The following PKD2L2 variants were observed in gnomAD, a reference collection of about 807,000 sequenced individuals.
PKD2L2 encodes the protein polycystin-2-like protein 2.
Under a neutral mutation model 83.9 loss-of-function variants are expected in PKD2L2, and 67 were observed. The ratio of observed to expected loss-of-function variants is 0.80; its 90% CI spans 0.66 to 0.98. The LOEUF is 0.98. PKD2L2 is among the 50% of genes least tolerant of loss of function. The pLI, the probability that PKD2L2 is intolerant of heterozygous loss-of-function variation, is 0.00. For missense variants in PKD2L2, 632 were observed against 717.2 expected (o/e 0.88, Z 1.36); for synonymous variants, 223 against 237.8 (o/e 0.94, Z 0.57).
At chr5:137,903,427 A>G (rs531972923) in intron 5 of PKD2L2, among the ~76,000 whole-genome samples, 9 of 152,194 alleles carry the variant, frequency 5.9e-5, no homozygotes, top group Admixed American at 1.3e-4. Flanking sequence ...GCAATATACC[A>G]CAGGCTCTAA....
intron 4 of PKD2L2, among the ~76,000 whole-genome samples, chr5:137,896,351 C>G (rs891742086): frequency 1.3e-5 from 2 of 152,120 alleles, no homozygotes; most frequent in Non-Finnish European, 2.9e-5. Context: ...CTTTGTCTTT[C>G]TAAATTACAT....
chr5:137,899,818 C>T (rs1756801021), intron 5 of PKD2L2, 81 bp downstream of exon 5: 1 of 707,700 alleles, frequency 1.4e-6, no homozygotes, highest in Admixed American at 2.6e-5. Flanking sequence ...GACCCTTGAA[C>T]CACATGAGTT....
At chr5:137,941,722 A>G (rs979449159) in intron 14 of PKD2L2, among the ~76,000 whole-genome samples, 3 of 152,214 alleles carry the variant, frequency 2.0e-5, no homozygotes, top group Non-Finnish European at 4.4e-5. Flanking sequence ...AAGGCTCCCT[A>G]GGACAATCCG....
intron 9 of PKD2L2, 22 bp from the exon 10 acceptor site, chr5:137,923,394 ATAAT>A: frequency 9.9e-7 from 1 of 1,009,016 alleles, no homozygotes; most frequent in Non-Finnish European, 1.5e-6. Flanking sequence ...TTTTATTGAA[ATAAT>A]TATTTGAATA....
chr5:137,916,485 T>TC (rs1365398982), intron 8 of PKD2L2, among the ~76,000 whole-genome samples: 1 of 144,360 alleles, frequency 6.9e-6, no homozygotes, highest in African/African-American at 2.5e-5. Flanking sequence ...CTTTTTTTTT[T>TC]TTTTTTTTTT....
At chr5:137,922,076 C>T (rs1758955369) in intron 9 of PKD2L2, among the ~76,000 whole-genome samples, 1 of 152,204 alleles carries the variant, frequency 6.6e-6, no homozygotes, top group Admixed American at 6.5e-5. Flanking sequence ...ATATTCTGCC[C>T]ATATTGCAAT....
At chr5:137,893,169 G>A (rs949045015) in intron 3 of PKD2L2, among the ~76,000 whole-genome samples, 2 of 152,124 alleles carry the variant, frequency 1.3e-5, no homozygotes, top group Non-Finnish European at 2.9e-5. Flanking sequence ...GTCTATAATT[G>A]TGTATAGTGA....
chr5:137,919,687 A>G (rs888344160), intron 8 of PKD2L2, among the ~76,000 whole-genome samples: 8 of 152,218 alleles, frequency 5.3e-5, no homozygotes, highest in African/African-American at 1.9e-4. Context: ...AACCAGTATT[A>G]AAAGCAAGAT....
chr5:137,904,002 C>T (rs1461284164), intron 5 of PKD2L2, among the ~76,000 whole-genome samples: 7 of 152,136 alleles, frequency 4.6e-5, no homozygotes, highest in African/African-American at 1.2e-4. Flanking sequence ...GCGATCCACC[C>T]GCCTTGGCCT....
intron 10 of PKD2L2, among the ~76,000 whole-genome samples, chr5:137,924,657 A>C (rs1294870886): frequency 1.3e-5 from 2 of 152,232 alleles, no homozygotes; most frequent in Non-Finnish European, 2.9e-5. Flanking sequence ...TCTGTAAAAC[A>C]AACCAAAAAA....
intron 12 of PKD2L2, among the ~76,000 whole-genome samples, chr5:137,931,053 T>C (rs1190953882): frequency 6.6e-6 from 1 of 152,104 alleles, no homozygotes; most frequent in Non-Finnish European, 1.5e-5. Context: ...AATTAAAAGA[T>C]CTCACTAATA....
intron 6 of PKD2L2, 117 bp downstream of exon 6, chr5:137,906,551 A>G: frequency 1.7e-6 from 1 of 581,056 alleles, no homozygotes; most frequent in Admixed American, 3.3e-5. Context: ...AGCTACAAGT[A>G]TCAAACATAA....
intron 4 of PKD2L2, 45 bp downstream of exon 4, chr5:137,894,654 G>A: frequency 6.8e-7 from 1 of 1,480,178 alleles, no homozygotes; most frequent in Non-Finnish European, 9.3e-7. Flanking sequence ...AGCATTTACT[G>A]TTGTATCTTT....
At chr5:137,936,169 C>A (rs1053285231) in intron 13 of PKD2L2, 151 bp from the exon 14 acceptor site, 2 of 677,006 alleles carry the variant, frequency 3.0e-6, no homozygotes, top group Admixed American at 2.8e-5. Context: ...CTCCACATAG[C>A]TTTAGAATAT....
At chr5:137,891,855 G>T (rs1037259863) in intron 2 of PKD2L2, among the ~76,000 whole-genome samples, 1 of 151,924 alleles carries the variant, frequency 6.6e-6, no homozygotes, top group Non-Finnish European at 1.5e-5. Flanking sequence ...GGCTAATTTT[G>T]TATGTTTTTA....
rs1395964960 is a variant in PKD2L2 at position 137,894,484 on chromosome 5, A to G, written c.399A>G (p.Gln133=). 1.2e-6 allele frequency: 2 copies of G among 1,614,128 alleles called. No individual in the cohort carries two copies. The highest frequency in any genetic ancestry group is 1.7e-6 in the Non-Finnish European group (2 of 1,179,992). ...NILLGVPRVR[Q]LKVRNNTCKV... ...TTCTAGGAGTTCCCAGAGTTCGTCA[A>G]CTAAAAGTCCGCAACAACACATGCA... The change falls in exon 4 of 15, where the codon CAA becomes CAG. Residue 133 remains glutamine, a synonymous_variant. Transcript: ENST00000508883.
intron 8 of PKD2L2, among the ~76,000 whole-genome samples, chr5:137,909,794 C>G (rs982887777): frequency 6.6e-6 from 1 of 151,986 alleles, no homozygotes; most frequent in African/African-American, 2.4e-5. Context: ...CTCGGCCTTT[C>G]AAAAGTGCTG....
intron 14 of PKD2L2, among the ~76,000 whole-genome samples, chr5:137,941,571 TAA>T (rs1561722897): frequency 1.3e-5 from 2 of 152,172 alleles, no homozygotes; most frequent in African/African-American, 4.8e-5. Flanking sequence ...GGTCTCAGTA[TAA>T]AATAAAAAAT....
chr5:137,915,833 T>C (rs1348012905), intron 8 of PKD2L2, among the ~76,000 whole-genome samples: 1 of 152,220 alleles, frequency 6.6e-6, no homozygotes, highest in Non-Finnish European at 1.5e-5. Context: ...GCTTTTATAA[T>C]TGCTCATGTA....
Sources: allele counts gnomAD v4.1 joint callset (sites outside exome capture counted in the v4.1 genomes callset), GRCh38; gene constraint gnomAD v4.1.1; transcripts MANE v1.5; gene names NCBI Gene and HGNC (gene_info 2026-07-23, HGNC 2026-07-21).